Variants in CTNNA3 observed in about 807,000 individuals in gnomAD.
CTNNA3 encodes catenin alpha 3, also known as catenin alpha-3.
In CTNNA3, 76 loss-of-function variants were observed where a neutral mutation model predicts 95.7. The ratio of observed to expected loss-of-function variants is 0.79; its 90% CI spans 0.66 to 0.96. The LOEUF (loss-of-function observed/expected upper bound fraction) is 0.96. Ranked by LOEUF, CTNNA3 falls within the 40% of genes least tolerant of loss-of-function variation. CTNNA3 has a pLI of 0.00. For missense variants in CTNNA3, 1,191 were observed against 1,089.8 expected, an observed-to-expected ratio of 1.09 and a Z score of -1.31; for synonymous variants, 431 against 374.4, an observed-to-expected ratio of 1.15 and a Z score of -1.74.
At chr10:66,052,941 T>C (rs1056186250) in intron 15 of CTNNA3, among the ~76,000 whole-genome samples, 1 of 152,116 alleles carries the variant, frequency 6.6e-6, no homozygotes, top group African/African-American at 2.4e-5. Flanking sequence ...AGTTGAAATT[T>C]AAAATTTCAT....
chr10:66,617,185 G>A (rs1844548401), intron 10 of CTNNA3, among the ~76,000 whole-genome samples: 1 of 151,956 alleles, frequency 6.6e-6, no homozygotes, highest in Non-Finnish European at 1.5e-5. Context: ...TTCAGGTTGT[G>A]ATATAGACTC....
At position 67,097,599 on chromosome 10, in the gene CTNNA3, A is replaced by G. The variant is rs776501838; in HGVS notation, c.1047+82718T>C. The G allele has an allele frequency of 1.5e-5, 24 of 1,612,138 alleles. No individual in the cohort carries two copies. In the Admixed American group the frequency reaches 2.3e-4, roughly 16 times the overall value. The stretch of plus-strand genomic sequence containing the variant: ...CATTTTTCCCCAGATACCTTTATCA[A>G]TGAATGTGTCAACCTTTCTGGCATA... On this transcript the variant is annotated intron_variant, in intron 7 of 17. Transcript: ENST00000433211.
chr10:66,940,701 G>A (rs541239504), intron 7 of CTNNA3, among the ~76,000 whole-genome samples: 1 of 152,128 alleles, frequency 6.6e-6, no homozygotes, highest in East Asian at 1.9e-4. Flanking sequence ...TTAAGATCCA[G>A]CAGTGTGTTG....
intron 5 of CTNNA3, among the ~76,000 whole-genome samples, chr10:67,404,098 G>C (rs1240125821): frequency 6.6e-6 from 1 of 152,094 alleles, no homozygotes; most frequent in Non-Finnish European, 1.5e-5. Context: ...AGATGAGAAA[G>C]AATCAGCACA....
intron 9 of CTNNA3, among the ~76,000 whole-genome samples, chr10:66,693,139 G>C (rs10997310): frequency 0.023 from 3,524 of 152,172 alleles, 180 homozygotes; most frequent in East Asian, 0.22. Context: ...AAATGGACTA[G>C]ATGCTCCAAT....
At chr10:65,950,125 G>A (rs1391447037) in intron 17 of CTNNA3, among the ~76,000 whole-genome samples, 4 of 151,870 alleles carry the variant, frequency 2.6e-5, no homozygotes, top group African/African-American at 9.7e-5. Flanking sequence ...AATCAAAAGG[G>A]AAAATATGGA....
chr10:66,285,940 G>A (rs778899991), intron 12 of CTNNA3, among the ~76,000 whole-genome samples: 37 of 151,854 alleles, frequency 2.4e-4, no homozygotes, highest in Non-Finnish European at 2.9e-5. Flanking sequence ...GTTGTATATG[G>A]AATTATTCAT....
At chr10:66,742,207 G>A (rs537682187) in intron 9 of CTNNA3, among the ~76,000 whole-genome samples, 15 of 152,236 alleles carry the variant, frequency 9.9e-5, no homozygotes, top group African/African-American at 2.6e-4. Flanking sequence ...TGAAATGGCC[G>A]CTTTGGGGAT....
intron 7 of CTNNA3, among the ~76,000 whole-genome samples, chr10:66,884,559 T>C (rs1844971563): frequency 6.6e-6 from 1 of 152,104 alleles, no homozygotes; most frequent in African/African-American, 2.4e-5. Context: ...AAGCAGATCT[T>C]CCAGTCCCAG....
At chr10:66,409,698 T>TTAGTTTATGTA (rs1163159942) in intron 11 of CTNNA3, among the ~76,000 whole-genome samples, 4 of 152,274 alleles carry the variant, frequency 2.6e-5, no homozygotes, top group Non-Finnish European at 5.9e-5. Context: ...AAAGAGACAT[T>TTAGTTTATGTA]TAGTTTATGT....
At chr10:66,272,935 A>C (rs1465119618) in intron 13 of CTNNA3, among the ~76,000 whole-genome samples, 1 of 152,062 alleles carries the variant, frequency 6.6e-6, no homozygotes, top group Admixed American at 6.6e-5. Context: ...CCACAAATTT[A>C]ATGCCTTTTC....
chr10:67,237,145 T>TAC (rs1378262809), intron 5 of CTNNA3, among the ~76,000 whole-genome samples: 1 of 72,096 alleles, frequency 1.4e-5, no homozygotes, highest in East Asian at 3.6e-4. Flanking sequence ...TATATATATA[T>TAC]ATATATATAT....
chr10:66,042,280 A>T (rs577670932), intron 15 of CTNNA3, among the ~76,000 whole-genome samples: 8 of 152,270 alleles, frequency 5.3e-5, no homozygotes, highest in South Asian at 4.1e-4. Flanking sequence ...CTATATTTTT[A>T]AAAATTTATT....
intron 15 of CTNNA3, among the ~76,000 whole-genome samples, chr10:66,031,507 G>A (rs1275239181): frequency 6.6e-6 from 1 of 152,066 alleles, no homozygotes; most frequent in Non-Finnish European, 1.5e-5. Flanking sequence ...CAGGCACACT[G>A]GGGACACATG....
At chr10:67,033,687 A>C (rs1398330062) in intron 7 of CTNNA3, among the ~76,000 whole-genome samples, 5 of 152,236 alleles carry the variant, frequency 3.3e-5, no homozygotes, top group African/African-American at 4.8e-5. Flanking sequence ...ACTGAGGTAC[A>C]GACAGATCCT....
intron 2 of CTNNA3, among the ~76,000 whole-genome samples, chr10:67,633,219 AG>A (rs1398467560): frequency 6.6e-6 from 1 of 152,016 alleles, no homozygotes; most frequent in Non-Finnish European, 1.5e-5. Context: ...CTACAGACAA[AG>A]CCCTGATCTC....
chr10:66,460,210 C>G (rs934044248), intron 11 of CTNNA3, among the ~76,000 whole-genome samples: 2 of 152,114 alleles, frequency 1.3e-5, no homozygotes, highest in Non-Finnish European at 2.9e-5. Context: ...GTACAGCAAG[C>G]CTTCACTCAC....
rs2132625334 is a variant in CTNNA3, at chr10:66,927,885, T to C, written c.1048-152361A>G. The C allele has an allele frequency of 6.2e-7, 1 of 1,614,248 alleles. No homozygotes were observed. The highest frequency in any genetic ancestry group is 8.5e-7 in the Non-Finnish European group (1 of 1,180,042). ...AATGCAGCAGAAATATTTGCTCCCT[T>C]GTAAACTGGCTGAAAAGTTTTAAAG... On this transcript the variant is annotated intron_variant, in intron 7 of 17. Transcript: ENST00000433211. This position sits in a 1 kb window ranked among gnomAD's most constrained non-coding sequence, Gnocchi z 4.7.
intron 5 of CTNNA3, among the ~76,000 whole-genome samples, chr10:67,411,319 T>C (rs1468330285): frequency 1.3e-5 from 2 of 152,294 alleles, no homozygotes; most frequent in Middle Eastern, 3.4e-3. Flanking sequence ...CATAAATATA[T>C]ACAATTTTTG....
Sources: gnomAD v4.1 joint callset for allele counts (sites outside exome capture counted in the v4.1 genomes callset) on GRCh38, gnomAD v4.1.1 for gene constraint, Gnocchi (gnomAD v3.1) non-coding constraint, MANE v1.5 for transcripts, NCBI Gene and HGNC (gene_info 2026-07-23, HGNC 2026-07-21) for gene names.